Variants in ZRANB3 observed in about 807,000 individuals in gnomAD.
The protein encoded by ZRANB3 is DNA annealing helicase and endonuclease ZRANB3.
In ZRANB3, 125 loss-of-function variants were observed where a neutral mutation model predicts 133.8. That is an observed-to-expected ratio of 0.93 (90% CI 0.81 to 1.08). The LOEUF (loss-of-function observed/expected upper bound fraction) is 1.08. ZRANB3 is among the 50% of genes least tolerant of loss of function. The probability of loss-of-function intolerance (pLI) is 0.00; values close to 1 mark genes in which losing one functional copy is unlikely to be tolerated. For missense variants in ZRANB3, 1,229 were observed against 1,275.5 expected, an observed-to-expected ratio of 0.96 and a Z score of 0.56; for synonymous variants, 387 against 432.7, an observed-to-expected ratio of 0.89 and a Z score of 1.31.
chr2:135,478,485 A>G (rs1208128120), intron 2 of ZRANB3, among the ~76,000 whole-genome samples: 1 of 152,110 alleles, frequency 6.6e-6, no homozygotes, highest in East Asian at 1.9e-4. Context: ...ATAGATTAAT[A>G]TGTTATTTAT....
chr2:135,365,596 T>C (rs1464585167), intron 3 of ZRANB3, among the ~76,000 whole-genome samples: 1 of 152,244 alleles, frequency 6.6e-6, no homozygotes, highest in Non-Finnish European at 1.5e-5. Context: ...TTACTAACAC[T>C]GAATTTGTTG....
rs1685673055 is a variant in ZRANB3, at chr2:135,361,054, A to ACAGGCGTGAG, written c.181-7436_181-7427dup. Among the ~76,000 whole-genome samples the ACAGGCGTGAG allele has an allele frequency of 2.0e-5, 3 of 152,360 alleles. No homozygotes were observed. The South Asian group carries it at 6.2e-4, about 32-fold the overall frequency. The stretch of plus-strand genomic sequence containing the variant: ...CTTGGCCTCCCAAAGTGCTGAGATT[A>ACAGGCGTGAG]CAGGCGTGAGCCACCGCACTTGGCC... On this transcript the variant is annotated intron_variant, in intron 3 of 20. Transcript: ENST00000264159.
chr2:135,228,550 A>G (rs1694855242), intron 13 of ZRANB3, among the ~76,000 whole-genome samples: 1 of 152,200 alleles, frequency 6.6e-6, no homozygotes, highest in African/African-American at 2.4e-5. Flanking sequence ...GATCAGATTA[A>G]TATGGAGGCT....
intron 3 of ZRANB3, among the ~76,000 whole-genome samples, chr2:135,367,440 G>A (rs538378754): frequency 6.6e-6 from 1 of 152,262 alleles, no homozygotes; most frequent in African/African-American, 2.4e-5. Context: ...GTCTGTATCT[G>A]CTTTTGGGAT....
At chr2:135,435,897 G>A (rs1689513014) in intron 2 of ZRANB3, among the ~76,000 whole-genome samples, 1 of 152,138 alleles carries the variant, frequency 6.6e-6, no homozygotes, top group Admixed American at 6.5e-5. Flanking sequence ...GCCTTTGTGA[G>A]ATGCATAGTT....
chr2:135,514,073 G>A (rs962784960), intron 1 of ZRANB3, among the ~76,000 whole-genome samples: 5 of 152,132 alleles, frequency 3.3e-5, no homozygotes, highest in African/African-American at 9.7e-5. Context: ...ACTAGGTAGC[G>A]TGATGCCTCC....
intron 2 of ZRANB3, among the ~76,000 whole-genome samples, chr2:135,436,118 T>A (rs998356570): frequency 6.6e-6 from 1 of 152,184 alleles, no homozygotes. Flanking sequence ...AGTTTTGGGT[T>A]TTACATTTGA....
At chr2:135,326,898 C>CAAAAAAAAAAAAAAAAAAAAAA (rs56683794) in intron 6 of ZRANB3, among the ~76,000 whole-genome samples, 1 of 61,462 alleles carries the variant, frequency 1.6e-5, no homozygotes, top group Non-Finnish European at 4.2e-5. Context: ...GACTCCATCT[C>CAAAAAAAAAAAAAAAAAAAAAA]AAAAAAAAAA....
At chr2:135,202,787 T>G (rs558802170) in intron 20 of ZRANB3, 45 bp downstream of exon 20, 20 of 1,560,680 alleles carry the variant, frequency 1.3e-5, no homozygotes, top group Non-Finnish European at 1.6e-5. Context: ...ATTTTCCATT[T>G]GACTTCTCAG....
chr2:135,448,814 G>A (rs1241753753), intron 2 of ZRANB3, among the ~76,000 whole-genome samples: 1 of 152,174 alleles, frequency 6.6e-6, no homozygotes, highest in Non-Finnish European at 1.5e-5. Flanking sequence ...GTGTATACAT[G>A]TAAACATGCA....
intron 8 of ZRANB3, among the ~76,000 whole-genome samples, chr2:135,297,274 T>C (rs944878608): frequency 2.0e-5 from 3 of 152,146 alleles, no homozygotes; most frequent in East Asian, 1.9e-4. Flanking sequence ...GCCTTGGCAA[T>C]GGGGGGCACC....
intron 17 of ZRANB3, among the ~76,000 whole-genome samples, chr2:135,210,061 A>C (rs1205382374): frequency 6.6e-6 from 1 of 151,986 alleles, no homozygotes; most frequent in East Asian, 1.9e-4. Context: ...CCCAAAAGTT[A>C]CCTCTGTTGG....
At chr2:135,228,295 G>A in intron 13 of ZRANB3, 5 of 195,434 alleles carry the variant, frequency 2.6e-5, no homozygotes, top group South Asian at 1.1e-4. Flanking sequence ...CAGATAAAGA[G>A]AACACAACTA....
chr2:135,340,969 A>C (rs1281471047), intron 6 of ZRANB3, among the ~76,000 whole-genome samples: 1 of 141,746 alleles, frequency 7.1e-6, no homozygotes, highest in Non-Finnish European at 1.5e-5. Flanking sequence ...TATATCTTTT[A>C]TCTTCATTGT....
At position 135,207,508 on chromosome 2, in the gene ZRANB3, G is replaced by GA. The variant is rs867137645; in HGVS notation, c.2934dup (p.Leu979SerfsTer6). The GA allele has an allele frequency of 1.3e-5, 21 of 1,614,010 alleles. No homozygotes were observed. The highest frequency in any genetic ancestry group is 1.7e-5 in the Non-Finnish European group (20 of 1,179,890). On this transcript the variant is annotated frameshift_variant, in exon 19 of 21. Transcript: ENST00000264159. LOFTEE classifies it high-confidence loss of function. ...CTCTGACTTTTAGGGGCATCTCTCA[G>GA]ACGTAAAAAGAGTTCTTGTGCGTTC... is the stretch of plus-strand genomic sequence containing the variant.
intron 19 of ZRANB3, among the ~76,000 whole-genome samples, chr2:135,206,242 CTT>C (rs765946694): frequency 1.5e-4 from 21 of 143,996 alleles, no homozygotes; most frequent in Admixed American, 4.2e-4. Flanking sequence ...CTATAAAATA[CTT>C]TTTTTTTTTT....
chr2:135,391,007 C>A (rs1033654187), intron 2 of ZRANB3, among the ~76,000 whole-genome samples, 187 bp from the exon 3 acceptor site: 1 of 151,924 alleles, frequency 6.6e-6, no homozygotes, highest in Non-Finnish European at 1.5e-5. Context: ...ACTACAGATG[C>A]GTGTCACCAC....
At chr2:135,292,677 A>G (rs1227555842) in intron 8 of ZRANB3, among the ~76,000 whole-genome samples, 4 of 152,168 alleles carry the variant, frequency 2.6e-5, no homozygotes, top group South Asian at 2.1e-4. Context: ...GCCCATGCCT[A>G]TGTCTTAATG....
chr2:135,457,263 A>G (rs1690565795), intron 2 of ZRANB3, among the ~76,000 whole-genome samples: 1 of 152,218 alleles, frequency 6.6e-6, no homozygotes. Context: ...TGAAAGACCA[A>G]ATGTATACAT....
Sources: allele counts gnomAD v4.1 joint callset (sites outside exome capture counted in the v4.1 genomes callset), GRCh38; gene constraint gnomAD v4.1.1; transcripts MANE v1.5; gene names NCBI Gene and HGNC (gene_info 2026-07-23, HGNC 2026-07-21).